Variants in NCALD observed in about 807,000 individuals in gnomAD.
NCALD encodes the protein neurocalcin delta.
Under a neutral mutation model 18.6 loss-of-function variants are expected in NCALD, and 10 were observed. That is an observed-to-expected ratio of 0.54 (90% CI 0.33 to 0.91). The LOEUF (loss-of-function observed/expected upper bound fraction) is 0.91. Among genes scored for constraint, NCALD ranks in the 40% least tolerant of loss-of-function variants. NCALD has a pLI of 0.03. For synonymous variants in NCALD, 88 were observed against 87.4 expected (o/e 1.01, Z -0.04); for missense variants, 184 against 247.6 (o/e 0.74, Z 1.72).
intron 1 of NCALD, among the ~76,000 whole-genome samples, chr8:101,741,215 C>G (rs1237055747): frequency 6.6e-6 from 1 of 152,220 alleles, no homozygotes; most frequent in African/African-American, 2.4e-5. Context: ...ACACATGCTG[C>G]TGAATCGCAA....
intron 1 of NCALD, among the ~76,000 whole-genome samples, chr8:102,122,186 T>C (rs943317731): frequency 1.3e-5 from 2 of 152,064 alleles, no homozygotes; most frequent in African/African-American, 2.4e-5. Flanking sequence ...CAAGAATGCA[T>C]AGGAGTTGAC....
chr8:101,801,904 G>C (rs535581069), intron 4 of NCALD, among the ~76,000 whole-genome samples: 1 of 151,832 alleles, frequency 6.6e-6, no homozygotes, highest in African/African-American at 2.4e-5. Flanking sequence ...CTGACCTCGT[G>C]ATCCGCCCGC....
intron 2 of NCALD, among the ~76,000 whole-genome samples, chr8:101,710,992 G>A (rs1310925798): frequency 2.0e-5 from 3 of 152,144 alleles, no homozygotes; most frequent in South Asian, 4.1e-4. Context: ...AGCAGGGGTC[G>A]ACAGACACCT....
chr8:101,810,123 C>T (rs1444852829), intron 4 of NCALD, among the ~76,000 whole-genome samples: 2 of 152,122 alleles, frequency 1.3e-5, no homozygotes, highest in Middle Eastern at 3.2e-3. Flanking sequence ...AGTTTCTGTG[C>T]AAAATGTTGG....
chr8:101,866,825 C>G (rs1187699133), intron 4 of NCALD, among the ~76,000 whole-genome samples: 1 of 152,170 alleles, frequency 6.6e-6, no homozygotes, highest in Non-Finnish European at 1.5e-5. Flanking sequence ...TCTGTCCTTA[C>G]CCTCTTTAGC....
intron 1 of NCALD, among the ~76,000 whole-genome samples, chr8:102,084,105 C>G (rs1458366816): frequency 6.6e-6 from 1 of 152,214 alleles, no homozygotes; most frequent in Non-Finnish European, 1.5e-5. Context: ...GATTTCCTTT[C>G]TTGTTCATGC....
At chr8:101,880,637 T>C (rs1816455298) in intron 4 of NCALD, among the ~76,000 whole-genome samples, 1 of 152,186 alleles carries the variant, frequency 6.6e-6, no homozygotes. Context: ...AAAATTGAAT[T>C]CTCCCCCAGA....
chr8:101,730,479 C>CAAAAAAAAAAAAAAAAA (rs869241027), intron 1 of NCALD, among the ~76,000 whole-genome samples: 1 of 43,670 alleles, frequency 2.3e-5, no homozygotes, highest in African/African-American at 8.4e-5. Context: ...GACTCCATCT[C>CAAAAAAAAAAAAAAAAA]AAAAAAAAAA....
chr8:102,034,100 TC>T (rs1822780246), intron 1 of NCALD, among the ~76,000 whole-genome samples: 1 of 152,086 alleles, frequency 6.6e-6, no homozygotes, highest in Non-Finnish European at 1.5e-5. Flanking sequence ...ATGTGTATTT[TC>T]TTCCTTGTAC....
intron 1 of NCALD, among the ~76,000 whole-genome samples, chr8:102,022,781 T>G (rs922050071): frequency 6.6e-6 from 1 of 152,116 alleles, no homozygotes; most frequent in Admixed American, 6.5e-5. Flanking sequence ...TGGAAGAAGG[T>G]ATGGAGAGAA....
chr8:102,055,378 A>C (rs1018610010), intron 1 of NCALD, among the ~76,000 whole-genome samples: 2 of 152,132 alleles, frequency 1.3e-5, no homozygotes, highest in African/African-American at 4.8e-5. Flanking sequence ...TGTTGTCCTC[A>C]CAGCCAGAGC....
chr8:101,884,685 T>C (rs1051214735), intron 4 of NCALD, among the ~76,000 whole-genome samples: 1 of 149,108 alleles, frequency 6.7e-6, no homozygotes, highest in Non-Finnish European at 1.5e-5. Flanking sequence ...TTCTACATAC[T>C]AATACAAAAG....
chr8:101,704,714 T>A lies in NCALD; in HGVS notation c.379-11818A>T, dbSNP rs545705631. Among the ~76,000 whole-genome samples the A allele has an allele frequency of 2.8e-5, 4 of 144,962 alleles. No individual in the cohort carries two copies. The South Asian group carries it at 8.9e-4, about 32-fold the overall frequency. On this transcript the variant is annotated intron_variant, in intron 2 of 3. Coordinates refer to ENST00000220931, the MANE Select transcript of NCALD (RefSeq NM_032041.3). ...GGCGGGATCAGCTGAGGTCAGGAGT[T>A]CAAGACCAGCCTGGCCAACATGGTG...
intron 1 of NCALD, among the ~76,000 whole-genome samples, chr8:102,044,981 G>A (rs1823188469): frequency 6.6e-6 from 1 of 152,114 alleles, no homozygotes; most frequent in Non-Finnish European, 1.5e-5. Flanking sequence ...GCCCCTGGCT[G>A]GACAACAGCT....
At chr8:101,880,357 T>G (rs1816437865) in intron 4 of NCALD, among the ~76,000 whole-genome samples, 1 of 151,792 alleles carries the variant, frequency 6.6e-6, no homozygotes, top group South Asian at 2.1e-4. Context: ...GATCGCCAGG[T>G]GCAGCAGCCC....
chr8:101,903,539 C>T (rs531421982), intron 3 of NCALD, among the ~76,000 whole-genome samples: 3 of 152,096 alleles, frequency 2.0e-5, no homozygotes, highest in East Asian at 3.9e-4. Flanking sequence ...GGGGCGAGAG[C>T]GAGGGAGAGA....
intron 2 of NCALD, among the ~76,000 whole-genome samples, chr8:101,922,587 C>G (rs1346069617): frequency 1.3e-5 from 2 of 152,104 alleles, no homozygotes; most frequent in African/African-American, 2.4e-5. Flanking sequence ...TATATGTAAA[C>G]AAAACCATTC....
At chr8:102,102,303 G>A (rs534700281) in intron 1 of NCALD, among the ~76,000 whole-genome samples, 3 of 152,232 alleles carry the variant, frequency 2.0e-5, no homozygotes, top group East Asian at 3.9e-4. Context: ...TTTCAAATAC[G>A]GCAACGAGGA....
chr8:101,721,854 CTTT>C (rs112131848), intron 1 of NCALD, among the ~76,000 whole-genome samples: 1 of 141,052 alleles, frequency 7.1e-6, no homozygotes. Context: ...TTCCCCCTGC[CTTT>C]TTTTTTTTTT....
Sources: gnomAD v4.1 joint callset for allele counts (sites outside exome capture counted in the v4.1 genomes callset) on GRCh38, gnomAD v4.1.1 for gene constraint, MANE v1.5 for transcripts, NCBI Gene and HGNC (gene_info 2026-07-23, HGNC 2026-07-21) for gene names.